Variants in SRP19 observed in about 807,000 individuals in gnomAD.
The protein encoded by SRP19 is signal recognition particle 19.
SRP19 carries 11 observed loss-of-function variants against 22.4 expected under a neutral mutation model. The observed-to-expected ratio is 0.49, with a 90% CI of 0.31 to 0.81. The LOEUF is 0.81. Among genes scored for constraint, SRP19 ranks in the 40% least tolerant of loss-of-function variants. The probability of loss-of-function intolerance (pLI) is 0.05; values close to 1 mark genes in which losing one functional copy is unlikely to be tolerated. For synonymous variants in SRP19, 61 were observed against 57.6 expected, an observed-to-expected ratio of 1.06 and a Z score of -0.27; for missense variants, 168 against 175.9, an observed-to-expected ratio of 0.96 and a Z score of 0.25.
intron 4 of SRP19, chr5:112,885,777 C>T (rs747112626): frequency 1.6e-5 from 4 of 250,126 alleles, no homozygotes; most frequent in East Asian, 1.2e-4. Context: ...ATGCCAAGCC[C>T]GTAGTCTGAG....
chr5:112,864,592 C>A (rs774240800), intron 3 of SRP19, 29 bp from the exon 4 acceptor site: 14 of 1,611,858 alleles, frequency 8.7e-6, no homozygotes, highest in Non-Finnish European at 1.2e-5. Flanking sequence ...TTCTTAAGTC[C>A]TGTTTTTCTT....
chr5:112,891,962 A>C lies in SRP19; in HGVS notation c.*355A>C, dbSNP rs1226569208. On this transcript the variant is annotated 3_prime_UTR_variant, in exon 5 of 5. Transcript: ENST00000391338. ...GCGGCTAAAAAATGGCTAGAAGAACAAGAGAGAAAGTTAAAGGAACAATGG... is the reference window on the plus strand; with the variant it reads ...GCGGCTAAAAAATGGCTAGAAGAACCAGAGAGAAAGTTAAAGGAACAATGG... The C allele has an allele frequency of 6.4e-6, 8 of 1,242,096 alleles. No individual in the cohort carries two copies. In the East Asian group the frequency reaches 1.6e-4, roughly 25 times the overall value. 76.9% of individuals were successfully genotyped at this position (1,242,096 alleles called of 1,614,324 possible). A position where few individuals can be genotyped will look rare whatever the true frequency, so the allele number is the denominator to read the frequency against.
At chr5:112,863,995 T>G (rs940690067) in intron 2 of SRP19, among the ~76,000 whole-genome samples, 1 of 152,258 alleles carries the variant, frequency 6.6e-6, no homozygotes, top group African/African-American at 2.4e-5. Context: ...TTTGAGGCTA[T>G]TATAAATAGA....
chr5:112,897,350 ATCACACACACACACAC>A (rs1486227786), downstream of SRP19: 108 of 129,556 alleles, frequency 8.3e-4, no homozygotes, highest in Admixed American at 2.4e-3. Flanking sequence ...AACACATCCC[ATCACACACACACACAC>A]ACACACACAC....
At chr5:112,888,570 T>G (rs771864786) in intron 4 of SRP19, among the ~76,000 whole-genome samples, 1 of 140,194 alleles carries the variant, frequency 7.1e-6, no homozygotes, top group Non-Finnish European at 1.5e-5. Flanking sequence ...ACTGCAGGCA[T>G]GAACCACCAG....
At chr5:112,875,882 T>C (rs914211555) in intron 4 of SRP19, among the ~76,000 whole-genome samples, 1 of 151,742 alleles carries the variant, frequency 6.6e-6, no homozygotes, top group Non-Finnish European at 1.5e-5. Flanking sequence ...CCGTCTCTAC[T>C]AAAAAATACA....
downstream of SRP19, among the ~76,000 whole-genome samples, chr5:112,870,987 G>T (rs1452919663): frequency 6.6e-6 from 1 of 151,952 alleles, no homozygotes; most frequent in Non-Finnish European, 1.5e-5. Flanking sequence ...CGAGTAGCTG[G>T]GATTACAAGT....
intron 4 of SRP19, among the ~76,000 whole-genome samples, chr5:112,891,362 C>T (rs977936300): frequency 2.0e-5 from 3 of 151,862 alleles, no homozygotes; most frequent in African/African-American, 4.8e-5. Flanking sequence ...AGTGAGCCAC[C>T]GCACCTGGCC....
chr5:112,892,972 C>T lies in SRP19; in HGVS notation c.*1365C>T, dbSNP rs772846578. 1.0e-5 allele frequency: 16 copies of T among 1,589,472 alleles called. No individual in the cohort carries two copies. In the Admixed American group the frequency reaches 1.2e-4, roughly 12 times the overall value. ...GGACCAGGGCCGCCGGAGCCAGAGC[C>T]GCAGGAGCCACCGCAGCCGGAGCCA... is the stretch of plus-strand genomic sequence containing the variant. On this transcript the variant is annotated 3_prime_UTR_variant, in exon 5 of 5. Coordinates refer to the SRP19 transcript ENST00000391338.
downstream of SRP19, among the ~76,000 whole-genome samples, chr5:112,870,561 C>G (rs1409610071): frequency 6.6e-6 from 1 of 151,978 alleles, no homozygotes; most frequent in Non-Finnish European, 1.5e-5. Flanking sequence ...ACTTTTGGGG[C>G]AATAAGGATT....
chr5:112,873,088 C>CTT (rs34944142), downstream of SRP19, among the ~76,000 whole-genome samples: 4,210 of 116,592 alleles, frequency 0.036, 263 homozygotes, highest in African/African-American at 0.12. Context: ...TTGTGTGGGT[C>CTT]TTTTTTTTTT....
intron 4 of SRP19, among the ~76,000 whole-genome samples, chr5:112,865,527 AC>A (rs1767570748): frequency 6.6e-6 from 1 of 152,016 alleles, no homozygotes; most frequent in Non-Finnish European, 1.5e-5. Context: ...CAGTTTAATA[AC>A]CCCCTCAGTT....
intron 4 of SRP19, among the ~76,000 whole-genome samples, chr5:112,886,155 G>A (rs1768236110): frequency 1.3e-5 from 2 of 152,212 alleles, no homozygotes. Context: ...CTGCCTGGAG[G>A]ATAGCAGAGA....
At chr5:112,891,120 T>C (rs1768431138) in intron 4 of SRP19, among the ~76,000 whole-genome samples, 1 of 142,968 alleles carries the variant, frequency 7.0e-6, no homozygotes, top group Non-Finnish European at 1.5e-5. Context: ...TCACCCAGGC[T>C]GGAGTGTAGT....
intron 2 of SRP19, 21 bp downstream of exon 2, chr5:112,862,604 CTTG>C: frequency 6.2e-7 from 1 of 1,609,566 alleles, no homozygotes; most frequent in Non-Finnish European, 8.5e-7. Context: ...TGGCTGGCAC[CTTG>C]ATCCTCGAGG....
intron 4 of SRP19, among the ~76,000 whole-genome samples, chr5:112,865,919 G>T (rs1202899335): frequency 6.6e-6 from 1 of 152,044 alleles, no homozygotes; most frequent in African/African-American, 2.4e-5. Context: ...AGAGACAAGG[G>T]TCTCACTGTG....
intron 4 of SRP19, chr5:112,885,138 T>G (rs114189993): frequency 1.3e-4 from 22 of 168,034 alleles, no homozygotes; most frequent in Non-Finnish European, 2.8e-4. Context: ...TGCTACAGCC[T>G]TGGCCAGCTA....
intron 4 of SRP19, among the ~76,000 whole-genome samples, chr5:112,883,613 C>CA (rs1768142821): frequency 6.6e-6 from 1 of 152,196 alleles, no homozygotes; most frequent in African/African-American, 2.4e-5. Flanking sequence ...CATCTAGTCT[C>CA]ATGCTTAATA....
intron 4 of SRP19, among the ~76,000 whole-genome samples, chr5:112,885,921 T>C (rs1156297247): frequency 6.6e-6 from 1 of 152,154 alleles, no homozygotes; most frequent in Non-Finnish European, 1.5e-5. Flanking sequence ...GACCTGGGTA[T>C]CTCCAATCTA....
Sources: allele counts gnomAD v4.1 joint callset (sites outside exome capture counted in the v4.1 genomes callset), GRCh38; gene constraint gnomAD v4.1.1; transcripts MANE v1.5; gene names NCBI Gene and HGNC (gene_info 2026-07-23, HGNC 2026-07-21).